Variants in CHST11 observed in about 807,000 individuals in gnomAD.
CHST11 encodes C4S-1.
A neutral mutation model predicts 30.4 loss-of-function variants in CHST11; 9 were observed. The observed-to-expected ratio is 0.30, with a 90% CI of 0.18 to 0.52. The LOEUF (loss-of-function observed/expected upper bound fraction) is 0.52, where lower values mean the gene tolerates loss of function less well. Ranked by LOEUF, CHST11 falls within the 20% of genes least tolerant of loss-of-function variation. The pLI, the probability that CHST11 is intolerant of heterozygous loss-of-function variation, is 0.97. For missense variants in CHST11, 348 were observed against 460.6 expected (o/e 0.76, Z 2.24); for synonymous variants, 152 against 187.8 (o/e 0.81, Z 1.56).
chr12:104,563,551 G>A (rs1161041052), intron 1 of CHST11, among the ~76,000 whole-genome samples: 3 of 152,150 alleles, frequency 2.0e-5, no homozygotes, highest in African/African-American at 7.2e-5. Context: ...TGTTTACCTT[G>A]ACTATCTCCA....
intron 1 of CHST11, among the ~76,000 whole-genome samples, chr12:104,586,076 A>G (rs1306376410): frequency 6.6e-6 from 1 of 151,966 alleles, no homozygotes; most frequent in Non-Finnish European, 1.5e-5. Flanking sequence ...ACACTGTGCA[A>G]TCCACTATAT....
At chr12:104,734,572 C>A (rs932653791) in intron 2 of CHST11, among the ~76,000 whole-genome samples, 1 of 152,106 alleles carries the variant, frequency 6.6e-6, no homozygotes, top group African/African-American at 2.4e-5. Flanking sequence ...AGGTGGAAAA[C>A]GGGGTGGCCT....
At chr12:104,459,207 G>A (rs569106318) in intron 1 of CHST11, among the ~76,000 whole-genome samples, 1 of 152,216 alleles carries the variant, frequency 6.6e-6, no homozygotes, top group Admixed American at 6.5e-5. Context: ...AATGGACCTG[G>A]CTTGCATTCC....
intron 1 of CHST11, among the ~76,000 whole-genome samples, chr12:104,592,678 A>G (rs1373150698): frequency 2.0e-5 from 3 of 152,176 alleles, no homozygotes; most frequent in African/African-American, 7.2e-5. Flanking sequence ...ACTTTCCCTA[A>G]CCACGTAGAT....
At chr12:104,548,432 C>T (rs1480564289) in intron 1 of CHST11, among the ~76,000 whole-genome samples, 3 of 152,166 alleles carry the variant, frequency 2.0e-5, no homozygotes, top group African/African-American at 4.8e-5. Flanking sequence ...GAGATGGTCA[C>T]AGTCAGTTCT....
chr12:104,459,545 A>T (rs78057832), intron 1 of CHST11, among the ~76,000 whole-genome samples: 2 of 152,224 alleles, frequency 1.3e-5, no homozygotes, highest in African/African-American at 4.8e-5. Context: ...TACAATTGTC[A>T]TGGAATTCTT....
Position 104,686,191 on chromosome 12 carries a change from C to G in CHST11, c.205-70758C>G, listed in dbSNP as rs183896902. Among the ~76,000 whole-genome samples, 69 of 135,784 alleles carry G rather than the reference C, an allele frequency of 5.1e-4. No individual in the cohort carries two copies. The East Asian group carries it at 0.011, about 22-fold the overall frequency. 89.1% of individuals were successfully genotyped at this position (135,784 alleles called of 152,430 possible). A position where few individuals can be genotyped will look rare whatever the true frequency, so the allele number is the denominator to read the frequency against. The stretch of plus-strand genomic sequence containing the variant: ...AGGCTATAGTGAACTATGGTCCCAC[C>G]ACTGCACTTCAACGTGATCACAAAG... On this transcript the variant is annotated intron_variant, in intron 2 of 2. Transcript: ENST00000303694.
At chr12:104,655,825 G>A (rs1045777838) in intron 2 of CHST11, among the ~76,000 whole-genome samples, 7 of 152,274 alleles carry the variant, frequency 4.6e-5, no homozygotes, top group Middle Eastern at 6.8e-3. Flanking sequence ...CTTCTGCCCC[G>A]CTCCCTGTAT....
chr12:104,607,371 G>A (rs1436088679), intron 2 of CHST11, among the ~76,000 whole-genome samples: 1 of 152,174 alleles, frequency 6.6e-6, no homozygotes, highest in Admixed American at 6.5e-5. Context: ...AGCAATGCTT[G>A]ACAAAATGTG....
At chr12:104,655,540 A>C (rs1393024779) in intron 2 of CHST11, among the ~76,000 whole-genome samples, 1 of 152,196 alleles carries the variant, frequency 6.6e-6, no homozygotes, top group Non-Finnish European at 1.5e-5. Flanking sequence ...AGTAAGGGAC[A>C]GCCTCCTTGC....
At chr12:104,489,740 G>A (rs2037727419) in intron 1 of CHST11, among the ~76,000 whole-genome samples, 1 of 152,146 alleles carries the variant, frequency 6.6e-6, no homozygotes, top group Admixed American at 6.5e-5. Flanking sequence ...TGGGATTATA[G>A]GCATGAGCCA....
chr12:104,469,465 C>T (rs780548827), intron 1 of CHST11, among the ~76,000 whole-genome samples: 4 of 152,096 alleles, frequency 2.6e-5, no homozygotes, highest in African/African-American at 7.2e-5. Flanking sequence ...AGCTGAACTC[C>T]GAGGAGGATG....
chr12:104,501,573 CA>C (rs1419119475), intron 1 of CHST11, among the ~76,000 whole-genome samples: 4 of 152,164 alleles, frequency 2.6e-5, no homozygotes, highest in Non-Finnish European at 5.9e-5. Context: ...ATTTGACCTG[CA>C]AAATGGCCCC....
chr12:104,558,384 G>T (rs192784477), intron 1 of CHST11, among the ~76,000 whole-genome samples: 3 of 152,118 alleles, frequency 2.0e-5, no homozygotes, highest in Non-Finnish European at 4.4e-5. Flanking sequence ...GAGGGAGCTC[G>T]AAGTCTCCTT....
chr12:104,643,663 T>C (rs2039399138), intron 2 of CHST11, among the ~76,000 whole-genome samples: 1 of 150,264 alleles, frequency 6.7e-6, no homozygotes, highest in Non-Finnish European at 1.5e-5. Flanking sequence ...CACACAAAGT[T>C]CTCATGACTT....
chr12:104,634,817 C>G (rs555125798), intron 2 of CHST11, among the ~76,000 whole-genome samples: 1 of 152,150 alleles, frequency 6.6e-6, no homozygotes, highest in Admixed American at 6.5e-5. Context: ...TCTTAAAAAC[C>G]CCACACCTTC....
intron 2 of CHST11, among the ~76,000 whole-genome samples, chr12:104,616,685 T>C (rs1389499370): frequency 6.6e-6 from 1 of 152,166 alleles, no homozygotes; most frequent in Non-Finnish European, 1.5e-5. Flanking sequence ...AGGATGGTCT[T>C]GATCTCCTGA....
chr12:104,461,931 AGGC>A (rs1328527427), intron 1 of CHST11, among the ~76,000 whole-genome samples: 1 of 152,138 alleles, frequency 6.6e-6, no homozygotes, highest in Non-Finnish European at 1.5e-5. Context: ...TGGGAGTCCA[AGGC>A]AGGTGGATCA....
chr12:104,472,411 A>C (rs994971857), intron 1 of CHST11, among the ~76,000 whole-genome samples: 71 of 150,324 alleles, frequency 4.7e-4, no homozygotes, highest in Middle Eastern at 3.4e-3. Context: ...ACACACACAC[A>C]CCCCTCTAAA....
Sources: gnomAD v4.1 joint callset for allele counts (sites outside exome capture counted in the v4.1 genomes callset) on GRCh38, gnomAD v4.1.1 for gene constraint, MANE v1.5 for transcripts, NCBI Gene and HGNC (gene_info 2026-07-23, HGNC 2026-07-21) for gene names.